Variants in TEAD2 observed in about 807,000 individuals in gnomAD.
The protein encoded by TEAD2 is TEA domain transcription factor 2.
Under a neutral mutation model 61.4 loss-of-function variants are expected in TEAD2, and 51 were observed. The ratio of observed to expected loss-of-function variants is 0.83; its 90% CI spans 0.66 to 1.05. The LOEUF (loss-of-function observed/expected upper bound fraction) is 1.05. Among genes scored for constraint, TEAD2 ranks in the 50% least tolerant of loss-of-function variants. The pLI is 0.00. For synonymous variants in TEAD2, 244 were observed against 243.2 expected (o/e 1.00, Z -0.03); for missense variants, 509 against 600.0 (o/e 0.85, Z 1.58).
chr19:49,356,155 G>A lies in TEAD2; in HGVS notation c.361-185C>T, dbSNP rs1044751161. ...TGGCCAGCCCTGGAGGGGAAAAGGG[G>A]CTCCCTGCCCAGAAAGACAGTGATG... On this transcript the variant is annotated intron_variant, in intron 4 of 12. Coordinates refer to ENST00000593945, the MANE Select transcript of TEAD2 (RefSeq NM_001256660.2). The A allele has an allele frequency of 3.4e-5, 14 of 410,554 alleles. No homozygotes were observed. In the Admixed American group the frequency reaches 4.9e-4, roughly 14 times the overall value. 25.4% of individuals were successfully genotyped at this position (410,554 alleles called of 1,614,324 possible). A position where few individuals can be genotyped will look rare whatever the true frequency, so the allele number is the denominator to read the frequency against.
chr19:49,350,255 A>G (rs1160961712), intron 8 of TEAD2, among the ~76,000 whole-genome samples: 3 of 152,316 alleles, frequency 2.0e-5, no homozygotes, highest in East Asian at 3.9e-4. Flanking sequence ...GCCTGAGGCC[A>G]TAATTCTGAA....
chr19:49,360,472 T>G (rs1034274420), intron 1 of TEAD2: 1 of 241,774 alleles, frequency 4.1e-6, no homozygotes, highest in Non-Finnish European at 8.0e-6. Flanking sequence ...AGGATGGGAG[T>G]GTTCTCAGAG....
In TEAD2 at chr19:49,348,835, G is replaced by A. The variant is rs184144886; in HGVS notation, c.615C>T (p.Pro205=). ...PPSTDLPGYE[P]PQALSPLPPP... is the part of the protein sequence containing the mutation. ...GGGGCAGGGGTGAGAGGGCTTGGGG[G>A]GGCTCGTACCCTAGAGAGAGAGAAG... Residue 205 remains proline, a synonymous_variant, in exon 9 of 13, where the codon CCC becomes CCT. Transcript: ENST00000593945. 10 of 1,563,512 alleles carry A rather than the reference G, an allele frequency of 6.4e-6. No homozygotes were observed. The African/African-American group carries it at 1.4e-4, about 22-fold the overall frequency.
chr19:49,343,896 T>C (rs1447629361), intron 10 of TEAD2, among the ~76,000 whole-genome samples: 1 of 145,662 alleles, frequency 6.9e-6, no homozygotes, highest in African/African-American at 2.5e-5. Context: ...ACCCAGGCAA[T>C]GTGTGGTGGT....
At chr19:49,351,773 G>C (rs1972040032) in intron 7 of TEAD2, among the ~76,000 whole-genome samples, 1 of 152,060 alleles carries the variant, frequency 6.6e-6, no homozygotes, top group Non-Finnish European at 1.5e-5. Context: ...ATCACTTGAG[G>C]TCAGGAGTTC....
chr19:49,352,209 C>A (rs1972070306), intron 7 of TEAD2, among the ~76,000 whole-genome samples: 1 of 152,252 alleles, frequency 6.6e-6, no homozygotes, highest in South Asian at 2.1e-4. Context: ...GGATGGAAAT[C>A]TGTGCCATCC....
At chr19:49,349,501 T>C (rs1005464812) in intron 8 of TEAD2, among the ~76,000 whole-genome samples, 2 of 146,652 alleles carry the variant, frequency 1.4e-5, no homozygotes, top group African/African-American at 5.0e-5. Context: ...AGGTTGGAGG[T>C]GGGGCCTGAT....
intron 3 of TEAD2, chr19:49,357,609 A>T (rs1972493835): frequency 3.9e-6 from 2 of 517,448 alleles, no homozygotes; most frequent in East Asian, 6.5e-5. Flanking sequence ...CCAAACAGGC[A>T]CAGTGAGAGC....
rs1971224999 is a variant in TEAD2, at chr19:49,341,000, A to G, written c.*324T>C. 4 of 246,376 alleles carry G rather than the reference A, an allele frequency of 1.6e-5. No individual in the cohort carries two copies. The highest frequency in any genetic ancestry group is 2.4e-5 in the Non-Finnish European group (3 of 125,902). 15.3% of individuals were successfully genotyped at this position (246,376 alleles called of 1,614,324 possible). On this transcript the variant is annotated 3_prime_UTR_variant, in exon 13 of 13. Transcript: ENST00000593945. ...GTGGGGGTGGCCTGTCAGGGGCTGAAAAGAAAAGCCAGTGCTGTACCTGGG... is the reference window on the plus strand; with the variant it reads ...GTGGGGGTGGCCTGTCAGGGGCTGAGAAGAAAAGCCAGTGCTGTACCTGGG...
At chr19:49,354,145 C>T (rs553513530) in intron 7 of TEAD2, among the ~76,000 whole-genome samples, 183 of 151,890 alleles carry the variant, frequency 1.2e-3, no homozygotes, top group African/African-American at 3.8e-3. Context: ...CCTGCCTCAC[C>T]GTCCTGCAGC....
At chr19:49,358,053 C>T (rs540530763) in intron 3 of TEAD2, among the ~76,000 whole-genome samples, 6 of 151,996 alleles carry the variant, frequency 3.9e-5, no homozygotes, top group Admixed American at 1.3e-4. Flanking sequence ...CCCAGCATGG[C>T]GATACCCTAC....
chr19:49,355,259 G>A, intron 6 of TEAD2, 53 bp from the exon 7 acceptor site: 1 of 1,613,208 alleles, frequency 6.2e-7, no homozygotes, highest in Non-Finnish European at 8.5e-7. Flanking sequence ...GACAGCTGCA[G>A]CCCCATCCAT....
chr19:49,343,432 G>T, intron 10 of TEAD2, 34 bp from the exon 11 acceptor site: 1 of 1,573,762 alleles, frequency 6.4e-7, no homozygotes, highest in Non-Finnish European at 8.6e-7. Flanking sequence ...GAGTCAGAGG[G>T]GACATCCCTT....
chr19:49,342,532 A>G lies in TEAD2; in HGVS notation c.1148T>C (p.Met383Thr), dbSNP rs1247092568. ...CAAGAAATTCACCAGGTACTCGCAC[A>G]TGGGCGAGCGCAGCAGGCGGTACAC... Reference protein sequence around the residue: ...RFVYRLLRSPMCEYLVNFLHK... With the variant: ...RFVYRLLRSPTCEYLVNFLHK... Residue 383 changes from methionine to threonine, a missense_variant, in exon 12 of 13, where the codon ATG becomes ACG. Met to Thr is a moderately conservative substitution (Grantham distance 81). Coordinates refer to ENST00000593945, the MANE Select transcript of TEAD2 (RefSeq NM_001256660.2). 3.1e-6 allele frequency: 5 copies of G among 1,614,166 alleles called. No individual in the cohort carries two copies. The highest frequency in any genetic ancestry group is 4.2e-6 in the Non-Finnish European group (5 of 1,180,000).
intron 4 of TEAD2, 150 bp downstream of exon 4, chr19:49,357,102 G>C: frequency 8.4e-6 from 5 of 594,876 alleles, no homozygotes; most frequent in Non-Finnish European, 8.0e-6. Context: ...CCCTCTCCCT[G>C]GGTCTCTGTC....
At position 49,341,169 on chromosome 19, in the gene TEAD2, C is replaced by T. The variant is rs933901177; in HGVS notation, c.*155G>A. ...GCTCTCCAACCAAGTTTTGGGGGCC[C>T]CTCTAATGGGGGGGATGGCCCCAGT... On this transcript the variant is annotated 3_prime_UTR_variant, in exon 13 of 13. Coordinates refer to ENST00000593945, the MANE Select transcript of TEAD2 (RefSeq NM_001256660.2). The surrounding 1 kb of genome is among the most constrained non-coding windows in gnomAD (Gnocchi z 4.2). 126 of 652,770 alleles carry T rather than the reference C, an allele frequency of 1.9e-4. No homozygotes were observed. The Middle Eastern group carries it at 2.1e-3, about 11-fold the overall frequency. 40.4% of individuals were successfully genotyped at this position (652,770 alleles called of 1,614,324 possible).
At chr19:49,349,023 G>GA (rs1395011920) in intron 8 of TEAD2, 178 bp from the exon 9 acceptor site, 1 of 648,828 alleles carries the variant, frequency 1.5e-6, no homozygotes, top group African/African-American at 1.9e-5. Flanking sequence ...GACGTTAGGG[G>GA]AAATCTGCTG....
Position 49,348,836 on chromosome 19 carries a change from G to A in TEAD2, c.614C>T (p.Pro205Leu), listed in dbSNP as rs1971821714. 2.6e-6 allele frequency: 4 copies of A among 1,561,278 alleles called. No homozygotes were observed. Among genetic ancestry groups the A allele is most frequent in the East Asian group, 4.6e-5 (2 of 43,956 alleles). Reference protein sequence around the residue: ...PPSTDLPGYEPPQALSPLPPP... With the variant: ...PPSTDLPGYELPQALSPLPPP... ...GGGCAGGGGTGAGAGGGCTTGGGGGGGCTCGTACCCTAGAGAGAGAGAAGA... is the reference window on the plus strand; with the variant it reads ...GGGCAGGGGTGAGAGGGCTTGGGGGAGCTCGTACCCTAGAGAGAGAGAAGA... Residue 205 changes from proline (P) to leucine (L), a missense_variant, in exon 9 of 13, where the codon CCC (proline) becomes CTC (leucine). Physicochemically the swap from Pro to Leu is moderately conservative, Grantham distance 98. Transcript: ENST00000593945.
At chr19:49,362,059 G>A (rs1421180496) in intron 1 of TEAD2, among the ~76,000 whole-genome samples, 1 of 152,116 alleles carries the variant, frequency 6.6e-6, no homozygotes, top group Non-Finnish European at 1.5e-5. Context: ...ATTACACAAG[G>A]GGTCCTTCTC....
Sources: allele counts gnomAD v4.1 joint callset (sites outside exome capture counted in the v4.1 genomes callset), GRCh38; gene constraint gnomAD v4.1.1; non-coding constraint Gnocchi (gnomAD v3.1); transcripts MANE v1.5; gene names NCBI Gene and HGNC (gene_info 2026-07-23, HGNC 2026-07-21).